Variants in MAP7D3 observed in about 807,000 individuals in gnomAD.
The protein encoded by MAP7D3 is MAP7 domain containing 3.
Under a neutral mutation model 62.2 loss-of-function variants are expected in MAP7D3, and 45 were observed. That is an observed-to-expected ratio of 0.72 (90% CI 0.57 to 0.93). MAP7D3 has a LOEUF of 0.93. Ranked by LOEUF, MAP7D3 falls within the 40% of genes least tolerant of loss-of-function variation. MAP7D3 has a pLI of 0.00. For missense variants in MAP7D3, 711 were observed against 683.1 expected, an observed-to-expected ratio of 1.04 and a Z score of -0.45; for synonymous variants, 288 against 248.8, an observed-to-expected ratio of 1.16 and a Z score of -1.48.
chrX:136,215,203 G>T (rs1013265514), downstream of MAP7D3, among the ~76,000 whole-genome samples: 2 of 112,016 alleles, frequency 1.8e-5, no homozygotes, highest in Non-Finnish European at 3.8e-5. Flanking sequence ...CAACCCTTGG[G>T]CCACGGACTG....
intron 6 of MAP7D3, among the ~76,000 whole-genome samples, chrX:136,236,704 G>A (rs916395515): frequency 1.8e-5 from 2 of 111,654 alleles, no homozygotes; most frequent in African/African-American, 3.3e-5. Context: ...AGATATATAC[G>A]TATACACACA....
At chrX:136,234,523 C>T (rs1016099509) in intron 7 of MAP7D3, among the ~76,000 whole-genome samples, 1 of 112,355 alleles carries the variant, frequency 8.9e-6, no homozygotes, top group African/African-American at 3.2e-5. Context: ...TCTCATCCTA[C>T]AAATTACCTG....
At chrX:136,254,804 G>T (rs1885356333), upstream of MAP7D3, among the ~76,000 whole-genome samples, 1 of 111,893 alleles carries the variant, frequency 8.9e-6, no homozygotes. Flanking sequence ...TCTGTGGCCA[G>T]ATATTCCCAC....
At chrX:136,236,741 T>C (rs1464201168) in intron 6 of MAP7D3, among the ~76,000 whole-genome samples, 1 of 112,022 alleles carries the variant, frequency 8.9e-6, no homozygotes, top group Non-Finnish European at 1.9e-5. Context: ...CACACACCAG[T>C]ATAAAATGAT....
rs1466742968 is a variant in MAP7D3 at position 136,218,123 on chromosome X, A to T, written c.*403T>A. 1 of 111,943 alleles carries T rather than the reference A, an allele frequency of 8.9e-6. No homozygotes were observed. Among genetic ancestry groups the T allele is most frequent in the Non-Finnish European group, 1.9e-5 (1 of 53,110 alleles). The allele number at this position is 111,943 out of a possible 1,213,427, so 9.2% of individuals were successfully genotyped here. ...AGATTTCAAATATATACTGAAAGAGAATTAGTTCTGCAATCAGATTCTTCT... is the reference window on the plus strand; with the variant it reads ...AGATTTCAAATATATACTGAAAGAGTATTAGTTCTGCAATCAGATTCTTCT... On this transcript the variant is annotated 3_prime_UTR_variant, in exon 19 of 19. Coordinates refer to ENST00000316077, the MANE Select transcript of MAP7D3 (RefSeq NM_024597.4).
chrX:136,246,885 T>C (rs773779153), intron 1 of MAP7D3, among the ~76,000 whole-genome samples: 4 of 111,999 alleles, frequency 3.6e-5, no homozygotes, highest in South Asian at 7.5e-4. Flanking sequence ...TCTATCCTGG[T>C]TGCACACTGG....
At chrX:136,232,509 TG>T (rs2074283798) in intron 7 of MAP7D3, among the ~76,000 whole-genome samples, 1 of 112,345 alleles carries the variant, frequency 8.9e-6, no homozygotes, top group African/African-American at 3.2e-5. Flanking sequence ...TGCAATAAGC[TG>T]TTTCTATTTT....
chrX:136,231,610 G>T lies in MAP7D3; in HGVS notation c.1347C>A (p.Ser449=). 8.3e-7 allele frequency: 1 copy of T among 1,208,230 alleles called. No individual in the cohort carries two copies. Among genetic ancestry groups the T allele is most frequent in the African/African-American group, 1.8e-5 (1 of 56,816 alleles). The change falls in exon 8 of 19, where the codon TCC becomes TCA. Residue 449 remains serine, a synonymous_variant. Transcript: ENST00000316077. ...TGCTTGCTTCAAGGGATGTCTTGGG[G>T]GATGCTTTCACCATCGCCTCAGGAG... is the stretch of plus-strand genomic sequence containing the variant. The part of the protein sequence containing the change: ...EASPEAMVKA[S]PKTSLEASME...
At position 136,220,891 on chromosome X, in the gene MAP7D3, T is replaced by C; in HGVS notation, c.2360A>G (p.Lys787Arg). ...GGTACCATCTTCTAGAAATACCAGC[T>C]TGTGTGTCATTTTCTTGGCATTGTT... Reference protein sequence around the residue: ...PFNNAKKMTHKLVFLEDGTSQ... With the variant: ...PFNNAKKMTHRLVFLEDGTSQ... The change falls in exon 16 of 19, where the codon AAG becomes AGG. Residue 787 changes from lysine to arginine, a missense_variant. Coordinates refer to ENST00000316077, the MANE Select transcript of MAP7D3 (RefSeq NM_024597.4). The C allele has an allele frequency of 8.3e-7, 1 of 1,207,144 alleles. No individual in the cohort carries two copies. The highest frequency in any genetic ancestry group is 1.1e-6 in the Non-Finnish European group (1 of 891,033).
intron 3 of MAP7D3, among the ~76,000 whole-genome samples, chrX:136,245,540 G>A (rs2074437751): frequency 9.0e-6 from 1 of 111,194 alleles, no homozygotes; most frequent in Non-Finnish European, 1.9e-5. Context: ...GAGGTCAGGA[G>A]ATCAAGACCA....
At chrX:136,227,142 TA>T (rs764434640) in intron 12 of MAP7D3, 141 bp downstream of exon 12, 1 of 441,191 alleles carries the variant, frequency 2.3e-6, no homozygotes, top group African/African-American at 2.6e-5. Context: ...AATTAATAAA[TA>T]AATAAATAAA....
intron 7 of MAP7D3, among the ~76,000 whole-genome samples, chrX:136,234,440 A>G (rs1231705664): frequency 8.9e-6 from 1 of 111,884 alleles, no homozygotes. Flanking sequence ...CTCCCTTGAA[A>G]TGAGTGAAGG....
chrX:136,231,898 A>T lies in MAP7D3; in HGVS notation c.1059T>A (p.Asp353Glu). 1 of 1,210,669 alleles carries T rather than the reference A, an allele frequency of 8.3e-7. No homozygotes were observed. The highest frequency in any genetic ancestry group is 1.1e-6 in the Non-Finnish European group (1 of 895,153). ...GGGATGCGTCCATGCTCATCTCAGA[A>T]TCATATGTGCTCACCACAGGCGACA... is the stretch of plus-strand genomic sequence containing the variant. ...VDVSPVVSTY[D>E]SEMSMDASPE... The change falls in exon 8 of 19, where the codon GAT becomes GAA. Residue 353 changes from aspartate (D) to glutamate (E), a missense_variant. Asp to Glu is a conservative substitution (Grantham distance 45). Coordinates refer to ENST00000316077, the MANE Select transcript of MAP7D3 (RefSeq NM_024597.4).
intron 10 of MAP7D3, 131 bp from the exon 11 acceptor site, chrX:136,228,889 A>G (rs757528235): frequency 7.9e-5 from 34 of 430,967 alleles, no homozygotes; most frequent in Non-Finnish European, 1.1e-4. Flanking sequence ...AATCACAAGC[A>G]AACTATAGGT....
rs1337068438 is a variant in MAP7D3 at position 136,218,211 on chromosome X, T to C, written c.*315A>G. On this transcript the variant is annotated 3_prime_UTR_variant, in exon 19 of 19. Coordinates refer to ENST00000316077, the MANE Select transcript of MAP7D3 (RefSeq NM_024597.4). ...GATGCACTCACTCCAGCAAACACATTGGTGGGACAACACAAGAATGAGAGA... is the reference window on the plus strand; with the variant it reads ...GATGCACTCACTCCAGCAAACACATCGGTGGGACAACACAAGAATGAGAGA... 1 of 112,097 alleles carries C rather than the reference T, an allele frequency of 8.9e-6. No individual in the cohort carries two copies. Among genetic ancestry groups the C allele is most frequent in the Non-Finnish European group, 1.9e-5 (1 of 53,166 alleles). 9.2% of individuals were successfully genotyped at this position (112,097 alleles called of 1,213,427 possible). A position where few individuals can be genotyped will look rare whatever the true frequency, so the allele number is the denominator to read the frequency against.
chrX:136,214,881 T>C (rs5975700), downstream of MAP7D3: 51,111 of 110,404 alleles, frequency 0.46, 9,196 homozygotes, highest in East Asian at 0.69. Flanking sequence ...GCTAGGTCAG[T>C]GTCCATCACC....
chrX:136,252,696 A>G (rs1396039152), upstream of MAP7D3, among the ~76,000 whole-genome samples: 1 of 70,170 alleles, frequency 1.4e-5, no homozygotes, highest in Non-Finnish European at 3.2e-5. Flanking sequence ...AAAAAAAAAA[A>G]AAAGAAAAGA....
In MAP7D3 at chrX:136,230,882, A is replaced by C. The variant is rs764873457; in HGVS notation, c.1498T>G (p.Ser500Ala). The change falls in exon 9 of 19, where the codon TCT (serine) becomes GCT (alanine). Residue 500 changes from serine (S) to alanine (A), a missense_variant. By Grantham distance (99) the Ser-to-Ala change is moderately conservative. Transcript: ENST00000316077. ...GGCAGACCACAAGCATTTTCAGGAG[A>C]TGATGACCATTTATAACACTCAGTG... is the stretch of plus-strand genomic sequence containing the variant. Reference protein sequence around the residue: ...SYTECYKWSSSPENACGLPSP... With the variant: ...SYTECYKWSSAPENACGLPSP... 1.7e-6 allele frequency: 2 copies of C among 1,202,609 alleles called. No individual in the cohort carries two copies. Among genetic ancestry groups the C allele is most frequent in the African/African-American group, 3.5e-5 (2 of 56,960 alleles).
chrX:136,228,578 C>G (rs775832269), intron 11 of MAP7D3, 45 bp downstream of exon 11: 1 of 1,129,818 alleles, frequency 8.9e-7, no homozygotes, highest in Non-Finnish European at 1.2e-6. Context: ...AAAATTTGGG[C>G]CCCACTCAAG....
Sources: gnomAD v4.1 joint callset for allele counts (sites outside exome capture counted in the v4.1 genomes callset) on GRCh38, gnomAD v4.1.1 for gene constraint, MANE v1.5 for transcripts, NCBI Gene and HGNC (gene_info 2026-07-23, HGNC 2026-07-21) for gene names.